ATP13A2: variants seen among roughly 807,000 people sequenced by gnomAD.
The protein encoded by ATP13A2 is ATPase cation transporting 13A2.
In ATP13A2, 83 loss-of-function variants were observed where a neutral mutation model predicts 138.3. That is an observed-to-expected ratio of 0.60 (90% confidence interval 0.50 to 0.72). The LOEUF (loss-of-function observed/expected upper bound fraction) is 0.72. Ranked by LOEUF, ATP13A2 falls within the 30% of genes least tolerant of loss-of-function variation. The pLI, the probability that ATP13A2 is intolerant of heterozygous loss-of-function variation, is 0.00. For missense variants in ATP13A2, 1,402 were observed against 1,606.4 expected (o/e 0.87, Z 2.17); for synonymous variants, 663 against 699.0 (o/e 0.95, Z 0.81).
intron 11 of ATP13A2, among the ~76,000 whole-genome samples, chr1:16,997,625 T>C (rs2077190250): frequency 6.6e-6 from 1 of 152,112 alleles, no homozygotes; most frequent in Non-Finnish European, 1.5e-5. Flanking sequence ...GCAGATCACT[T>C]GAGGCCAGGA....
chr1:17,010,446 T>G (rs545247200), intron 1 of ATP13A2, among the ~76,000 whole-genome samples: 5 of 152,124 alleles, frequency 3.3e-5, no homozygotes, highest in African/African-American at 1.2e-4. Context: ...AGCCCTTCAG[T>G]GTGCTAACTC....
rs1307988867 is a variant in ATP13A2, at chr1:16,988,344, C to G, written c.2740G>C (p.Glu914Gln). 6.2e-7 allele frequency: 1 copy of G among 1,614,056 alleles called. No homozygotes were observed. Among genetic ancestry groups the G allele is most frequent in the Non-Finnish European group, 8.5e-7 (1 of 1,180,052 alleles). Residue 914 changes from glutamate (E) to glutamine (Q), a missense_variant, in exon 24 of 29, where the codon GAG becomes CAG. Glu to Gln is a conservative substitution (Grantham distance 29, BLOSUM62 2). Transcript: ENST00000326735. Reference protein sequence around the residue: ...SPFTSSMASIECVPMVIREGR... With the variant: ...SPFTSSMASIQCVPMVIREGR... ...TACCTGATGACCATGGGCACGCACT[C>G]AATACTGGCCATGCTCGAGGTGAAG...
intron 1 of ATP13A2, 82 bp from the exon 2 acceptor site, chr1:17,005,860 C>CGTG: frequency 7.3e-7 from 1 of 1,373,212 alleles, no homozygotes; most frequent in Non-Finnish European, 1.0e-6. Context: ...TCAGCCTGGG[C>CGTG]GCGGTGGCTC....
At chr1:17,006,847 G>A (rs2077579077) in intron 1 of ATP13A2, among the ~76,000 whole-genome samples, 1 of 152,164 alleles carries the variant, frequency 6.6e-6, no homozygotes, top group South Asian at 2.1e-4. Context: ...CTTTACAGAT[G>A]GGTAAACTGA....
intron 1 of ATP13A2, 114 bp from the exon 2 acceptor site, chr1:17,005,892 T>C: frequency 1.0e-6 from 1 of 993,836 alleles, no homozygotes; most frequent in Non-Finnish European, 1.5e-6. Context: ...CCCAGCACTT[T>C]GGGAGGCCGA....
intron 23 of ATP13A2, among the ~76,000 whole-genome samples, chr1:16,989,214 C>T (rs1386242995): frequency 6.6e-6 from 1 of 152,048 alleles, no homozygotes; most frequent in African/African-American, 2.4e-5. Context: ...CCGCGCCTGG[C>T]CTATTACTAT....
At chr1:16,992,679 G>T in intron 16 of ATP13A2, 98 bp from the exon 17 acceptor site, 2 of 1,290,230 alleles carry the variant, frequency 1.6e-6, no homozygotes, top group Non-Finnish European at 2.2e-6. Context: ...GAGACTGAAT[G>T]GTGGGTTAAG....
chr1:16,989,438 T>C (rs1281420900), intron 23 of ATP13A2, among the ~76,000 whole-genome samples: 1 of 152,180 alleles, frequency 6.6e-6, no homozygotes, highest in African/African-American at 2.4e-5. Flanking sequence ...CTCAAACTCC[T>C]GGGCTCAAGT....
rs1445991663 is a variant in ATP13A2 at position 17,011,571 on chromosome 1, A to G, written c.10+158T>C. Among the ~76,000 whole-genome samples the G allele has an allele frequency of 1.3e-5, 2 of 152,008 alleles. No individual in the cohort carries two copies. Among genetic ancestry groups the G allele is most frequent in the Admixed American group, 1.3e-4 (2 of 15,276 alleles). On this transcript the variant is annotated intron_variant, in intron 1 of 28. Transcript: ENST00000326735. This position sits in a 1 kb window ranked among gnomAD's most constrained non-coding sequence, Gnocchi z 7.3. The stretch of plus-strand genomic sequence containing the variant: ...AAACCGGGGCCGAGTCCCCGTCAAA[A>G]GGGAGGGGACGGGCCAGGATCCCCA...
At chr1:17,001,655 G>A (rs2077361385) in intron 8 of ATP13A2, among the ~76,000 whole-genome samples, 1 of 152,194 alleles carries the variant, frequency 6.6e-6, no homozygotes, top group South Asian at 2.1e-4. Flanking sequence ...TTTCTCAGGT[G>A]TGAACAGTGC....
chr1:17,009,705 T>C (rs2077709207), intron 1 of ATP13A2, among the ~76,000 whole-genome samples: 1 of 151,974 alleles, frequency 6.6e-6, no homozygotes, highest in Non-Finnish European at 1.5e-5. Flanking sequence ...TCAAGACTCT[T>C]TATGAAGAAA....
At chr1:17,006,757 C>A (rs566123528) in intron 1 of ATP13A2, among the ~76,000 whole-genome samples, 5 of 152,282 alleles carry the variant, frequency 3.3e-5, no homozygotes, top group African/African-American at 7.2e-5. Context: ...TCATTCCATG[C>A]CCGTGCCCAG....
In ATP13A2 at chr1:17,005,420, T is replaced by C. The variant is rs1570895086; in HGVS notation, c.242A>G (p.Asn81Ser). 1 of 1,612,954 alleles carries C rather than the reference T, an allele frequency of 6.2e-7. No homozygotes were observed. The part of the protein sequence containing the change: ...WGVRLRLRPC[N>S]LAHAETLVIE... Reference sequence around the variant, plus strand: ...AACGAGTGTTTCGGCGTGGGCCAGGTTGCAGGGCCGGAGCCGCAGCCGCAC... The same window carrying C: ...AACGAGTGTTTCGGCGTGGGCCAGGCTGCAGGGCCGGAGCCGCAGCCGCAC... Residue 81 changes from asparagine to serine, a missense_variant, in exon 3 of 29, where the codon AAC becomes AGC. Coordinates refer to ENST00000326735, the MANE Select transcript of ATP13A2 (RefSeq NM_022089.4).
chr1:17,005,473 C>G lies in ATP13A2; in HGVS notation c.189G>C (p.Leu63=). ...VVWMMAGIPL[L]LFRWKPLWGV... ...CCCACAGGGGCTTCCAACGGAAGAG[C>G]AGCAAAGGGATCCCAGCCATCATCC... Residue 63 remains leucine, a synonymous_variant, in exon 3 of 29, where the codon CTG becomes CTC. Transcript: ENST00000326735. 6.2e-7 allele frequency: 1 copy of G among 1,614,244 alleles called. No homozygotes were observed. The highest frequency in any genetic ancestry group is 8.5e-7 in the Non-Finnish European group (1 of 1,180,050).
chr1:17,008,909 A>G (rs1422309866), intron 1 of ATP13A2, among the ~76,000 whole-genome samples: 2 of 147,768 alleles, frequency 1.4e-5, no homozygotes, highest in African/African-American at 2.5e-5. Context: ...GCTTGCAGTG[A>G]GCTGAGATCA....
intron 6 of ATP13A2, among the ~76,000 whole-genome samples, chr1:17,002,831 G>A (rs1260763388): frequency 1.3e-5 from 2 of 152,066 alleles, no homozygotes; most frequent in Admixed American, 6.6e-5. Context: ...ATGAATGCAC[G>A]GGTGATTTTT....
Position 16,992,580 on chromosome 1 carries a change from A to G in ATP13A2, c.1751T>C (p.Val584Ala), listed in dbSNP as rs745742437. 6.2e-7 allele frequency: 1 copy of G among 1,614,132 alleles called. No homozygotes were observed. The highest frequency in any genetic ancestry group is 1.1e-5 in the South Asian group (1 of 91,082). ...DLKMVESTGW[V>A]LEEEPAADSA... is the part of the protein sequence containing the mutation. ...GTCTGCAGCCGGCTCTTCCTCCAGG[A>G]CCTGGCAGGCAGGCAGGGAAGTTTG... Residue 584 changes from valine (V) to alanine (A), a missense_variant and splice_region_variant, in exon 17 of 29, where the codon GTC becomes GCC. Transcript: ENST00000326735.
In ATP13A2 at chr1:16,995,523, C is replaced by T; in HGVS notation, c.1542+453G>A. On this transcript the variant is annotated intron_variant, in intron 15 of 28. Transcript: ENST00000326735. This position sits in a 1 kb window ranked among gnomAD's most constrained non-coding sequence, Gnocchi z 4.1. ...TGTCACCCAGGCTGGAGTACAATGG[C>T]ATGATCTTGGCTCACTGCAACCTCT... 3.5e-6 allele frequency: 1 copy of T among 286,546 alleles called. No individual in the cohort carries two copies. Among genetic ancestry groups the T allele is most frequent in the Admixed American group, 4.8e-5 (1 of 21,000 alleles). The allele number at this position is 286,546 out of a possible 1,614,324, so 17.8% of individuals were successfully genotyped here.
rs1218726134 is a variant in ATP13A2, at chr1:16,986,692, G to A, written c.3236-60C>T. The A allele has an allele frequency of 9.6e-6, 15 of 1,569,910 alleles. No homozygotes were observed. Among genetic ancestry groups the A allele is most frequent in the Admixed American group, 3.7e-5 (2 of 53,974 alleles). ...GCCCCCCCGGCACCCACAGACACAC[G>A]TGTGCACGCCAGTCTTCCACTCGGC... On this transcript the variant is annotated intron_variant, in intron 27 of 28. Transcript: ENST00000326735. This position sits in a 1 kb window ranked among gnomAD's most constrained non-coding sequence, Gnocchi z 6.9.
Sources: gnomAD v4.1 joint callset for allele counts (sites outside exome capture counted in the v4.1 genomes callset) on GRCh38, gnomAD v4.1.1 for gene constraint, Gnocchi (gnomAD v3.1) non-coding constraint, MANE v1.5 for transcripts, NCBI Gene and HGNC (gene_info 2026-07-23, HGNC 2026-07-21) for gene names.